Variants in NSUN2 observed in about 807,000 individuals in gnomAD.
NSUN2 encodes NOP2/Sun RNA methyltransferase 2, also known as RNA cytosine C(5)-methyltransferase NSUN2.
Under a neutral mutation model 92.7 loss-of-function variants are expected in NSUN2, and 63 were observed. The observed-to-expected ratio is 0.68, with a 90% CI of 0.56 to 0.84. The LOEUF (loss-of-function observed/expected upper bound fraction) is 0.84. Ranked by LOEUF, NSUN2 falls within the 40% of genes least tolerant of loss-of-function variation. NSUN2 has a pLI of 0.00. For missense variants in NSUN2, 989 were observed against 964.9 expected (o/e 1.02, Z -0.33); for synonymous variants, 356 against 348.3 (o/e 1.02, Z -0.25).
intron 7 of NSUN2, among the ~76,000 whole-genome samples, chr5:6,618,994 G>A (rs1224068878): frequency 6.6e-6 from 1 of 152,152 alleles, no homozygotes; most frequent in Non-Finnish European, 1.5e-5. Flanking sequence ...TGTTTGCATG[G>A]TAGAAATCCC....
chr5:6,625,538 T>G, intron 4 of NSUN2, 26 bp downstream of exon 4: 1 of 1,542,766 alleles, frequency 6.5e-7, no homozygotes, highest in Non-Finnish European at 9.0e-7. Context: ...TTAAGGAAAC[T>G]AGCAAGTCTA....
At chr5:6,613,068 C>T (rs1579364692) in intron 9 of NSUN2, among the ~76,000 whole-genome samples, 1 of 152,228 alleles carries the variant, frequency 6.6e-6, no homozygotes, top group East Asian at 1.9e-4. Context: ...GGTCTGAAGC[C>T]ACCCACATGC....
At chr5:6,632,778 T>C in intron 1 of NSUN2, 22 bp from the exon 2 acceptor site, 6 of 1,609,142 alleles carry the variant, frequency 3.7e-6, no homozygotes, top group Non-Finnish European at 5.1e-6. Flanking sequence ...AAGAGACGTC[T>C]ACCCCGAGGC....
chr5:6,625,541 C>T (rs760657029), intron 4 of NSUN2, 23 bp downstream of exon 4: 4 of 1,551,510 alleles, frequency 2.6e-6, no homozygotes, highest in Non-Finnish European at 3.6e-6. Flanking sequence ...AGGAAACTAG[C>T]AAGTCTAAAG....
Position 6,631,866 on chromosome 5 carries a change from T to C in NSUN2, c.359+7A>G, listed in dbSNP as rs991926892. ...AAATATTCGGCATGAAGCACTGTGG[T>C]ACCTACCAACTCAGTGGCTGTGGAA... On this transcript the variant is annotated splice_region_variant and intron_variant, in intron 3 of 18. Coordinates refer to ENST00000264670, the MANE Select transcript of NSUN2 (RefSeq NM_017755.6). 3 of 1,584,620 alleles carry C rather than the reference T, an allele frequency of 1.9e-6. No individual in the cohort carries two copies. Among genetic ancestry groups the C allele is most frequent in the Non-Finnish European group, 2.6e-6 (3 of 1,153,848 alleles).
chr5:6,627,791 C>T lies in NSUN2; in HGVS notation c.360-2122G>A, dbSNP rs141180459. On this transcript the variant is annotated intron_variant, in intron 3 of 18. Coordinates refer to ENST00000264670, the MANE Select transcript of NSUN2 (RefSeq NM_017755.6). The stretch of plus-strand genomic sequence containing the variant: ...TATGTTTCTTATACAGCTTTAGGAA[C>T]AGCATCATCTTTTTATGAACCAAAA... 5.3e-5 allele frequency among the ~76,000 whole-genome samples: 8 copies of T among 152,284 alleles called. No individual in the cohort carries two copies. The East Asian group carries it at 9.7e-4, about 18-fold the overall frequency.
At chr5:6,624,912 A>C (rs1737588934) in intron 4 of NSUN2, among the ~76,000 whole-genome samples, 1 of 152,228 alleles carries the variant, frequency 6.6e-6, no homozygotes, top group Admixed American at 6.5e-5. Context: ...TTAGTACATA[A>C]GCAAATAGCT....
At chr5:6,607,813 T>C (rs574715536) in intron 12 of NSUN2, among the ~76,000 whole-genome samples, 4 of 152,212 alleles carry the variant, frequency 2.6e-5, no homozygotes, top group South Asian at 4.1e-4. Flanking sequence ...TGAATTGTTC[T>C]TGGGCACCTG....
intron 15 of NSUN2, 92 bp downstream of exon 15, chr5:6,605,181 T>A: frequency 6.5e-7 from 1 of 1,529,818 alleles, no homozygotes; most frequent in East Asian, 2.3e-5. Flanking sequence ...GGAGGGCAGA[T>A]GTCACGGTCT....
rs768092774 is a variant in NSUN2 at position 6,623,268 on chromosome 5, T to C, written c.483A>G (p.Gln161=). The C allele has an allele frequency of 5.5e-5, 88 of 1,602,864 alleles. No individual in the cohort carries two copies. The highest frequency in any genetic ancestry group is 7.0e-5 in the Non-Finnish European group (83 of 1,177,472). ...SETESGNISR[Q]EAVSMIPPLL... ...GTGGTGGGATCATGCTAACAGCTTCTTGACGACTAATATTTCCCTTGAGGA... is the reference window on the plus strand; with the variant it reads ...GTGGTGGGATCATGCTAACAGCTTCCTGACGACTAATATTTCCCTTGAGGA... The change falls in exon 5 of 19, where the codon CAA becomes CAG. Residue 161 remains glutamine (Q), a synonymous_variant. Coordinates refer to ENST00000264670, the MANE Select transcript of NSUN2 (RefSeq NM_017755.6).
Position 6,599,933 on chromosome 5 carries a change from G to A in NSUN2, c.2297C>T (p.Pro766Leu). The A allele has an allele frequency of 2.5e-6, 4 of 1,612,630 alleles. No individual in the cohort carries two copies. Among genetic ancestry groups the A allele is most frequent in the African/African-American group, 1.3e-5 (1 of 75,016 alleles). Reference protein sequence around the residue: ...AGCDPAGVHPPR With the variant: ...AGCDPAGVHPLR ...CCGCTGCCTTGGGCCTGCTCACCGG[G>A]GTGGATGGACCCCCGCCGGGTCACA... Residue 766 changes from proline (P) to leucine (L), a missense_variant, in exon 19 of 19, where the codon CCC becomes CTC. By Grantham distance (98) the Pro-to-Leu change is moderately conservative. This residue lies in a region of NSUN2 where 626 missense variants were observed against 602.3 expected (regional missense o/e 1.04). Coordinates refer to ENST00000264670, the MANE Select transcript of NSUN2 (RefSeq NM_017755.6).
At chr5:6,618,689 G>A (rs535008431) in intron 7 of NSUN2, among the ~76,000 whole-genome samples, 61 of 151,816 alleles carry the variant, frequency 4.0e-4, no homozygotes, top group African/African-American at 1.4e-3. Flanking sequence ...TACAATCACC[G>A]TTAAATTTCT....
At chr5:6,611,601 C>T in intron 10 of NSUN2, 124 bp downstream of exon 10, 1 of 718,154 alleles carries the variant, frequency 1.4e-6, no homozygotes, top group Non-Finnish European at 2.4e-6. Flanking sequence ...GAAATTGATT[C>T]TAATTGGCAT....
intron 15 of NSUN2, 56 bp from the exon 16 acceptor site, chr5:6,604,741 G>C (rs1560971777): frequency 1.0e-5 from 15 of 1,438,562 alleles, no homozygotes; most frequent in Non-Finnish European, 1.4e-5. Flanking sequence ...ACCATCTCCT[G>C]TAAGGATGCC....
At chr5:6,617,416 A>G (rs1168892827) in intron 8 of NSUN2, among the ~76,000 whole-genome samples, 1 of 152,352 alleles carries the variant, frequency 6.6e-6, no homozygotes, top group East Asian at 1.9e-4. Context: ...AGCATGATCA[A>G]AAGTATTTGG....
rs1188333209 is a variant in NSUN2, at chr5:6,599,944, C to T, written c.2286G>A (p.Gly762=). 1 of 1,613,116 alleles carries T rather than the reference C, an allele frequency of 6.2e-7. No individual in the cohort carries two copies. Among genetic ancestry groups the T allele is most frequent in the Admixed American group, 1.7e-5 (1 of 60,016 alleles). ...PDVTAGCDPA[G]VHPPR is the part of the protein sequence containing the mutation. ...GGCCTGCTCACCGGGGTGGATGGAC[C>T]CCCGCCGGGTCACAGCCTGCTGTCA... The change falls in exon 19 of 19, where the codon GGG becomes GGA. Residue 762 remains glycine (G), a synonymous_variant. Transcript: ENST00000264670.
At chr5:6,615,533 C>T (rs1467075905) in intron 9 of NSUN2, among the ~76,000 whole-genome samples, 2 of 152,198 alleles carry the variant, frequency 1.3e-5, no homozygotes, top group African/African-American at 4.8e-5. Flanking sequence ...AAACATCACC[C>T]AGAAATGACA....
chr5:6,614,586 G>T (rs1245311232), intron 9 of NSUN2, among the ~76,000 whole-genome samples: 1 of 152,248 alleles, frequency 6.6e-6, no homozygotes, highest in Admixed American at 6.5e-5. Flanking sequence ...ATGAGAACTA[G>T]AACTTGGATT....
intron 11 of NSUN2, among the ~76,000 whole-genome samples, chr5:6,610,481 G>A (rs1018026253): frequency 1.3e-5 from 2 of 151,940 alleles, no homozygotes; most frequent in African/African-American, 4.8e-5. Flanking sequence ...CTGAGGTTGG[G>A]AGTTCAACAC....
Sources: allele counts gnomAD v4.1 joint callset (sites outside exome capture counted in the v4.1 genomes callset), GRCh38; gene constraint gnomAD v4.1.1; regional missense constraint gnomAD v4.1.1; transcripts MANE v1.5; gene names NCBI Gene and HGNC (gene_info 2026-07-23, HGNC 2026-07-21).